The following MED13L variants were observed in gnomAD, a reference collection of about 807,000 sequenced individuals.
MED13L encodes the protein mediator of RNA polymerase II transcription subunit 13-like.
Under a neutral mutation model 220.9 loss-of-function variants are expected in MED13L, and 7 were observed. The ratio of observed to expected loss-of-function variants is 0.03; its 90% CI spans 0.02 to 0.06. The LOEUF (loss-of-function observed/expected upper bound fraction) is 0.06. Ranked by LOEUF, MED13L falls within the 10% of genes least tolerant of loss-of-function variation. The probability of loss-of-function intolerance (pLI) is 1.00; values close to 1 mark genes in which losing one functional copy is unlikely to be tolerated. For synonymous variants in MED13L, 1,011 were observed against 1,015.2 expected (o/e 1.00, Z 0.08); for missense variants, 1,965 against 2,760.5 (o/e 0.71, Z 6.46).
At chr12:115,970,210 T>C (rs1366760326) in intron 27 of MED13L, among the ~76,000 whole-genome samples, 1 of 152,176 alleles carries the variant, frequency 6.6e-6, no homozygotes, top group Non-Finnish European at 1.5e-5. Context: ...CTATAGCAAA[T>C]TAGATTGCCA....
In MED13L at chr12:115,984,251, G is replaced by A. The variant is rs1434761225; in HGVS notation, c.4460C>T (p.Pro1487Leu). ...DELVSEWFNQ[P>L]WSGEENDNHS... ...ATTGTCATTCTCCTCGCCGCTCCAA[G>A]GCTGGTTAAACCACTCACTCACAAG... Residue 1487 changes from proline to leucine, a missense_variant, in exon 20 of 31, where the codon CCT becomes CTT. Physicochemically the swap from Pro to Leu is moderately conservative, Grantham distance 98. Coordinates refer to ENST00000281928, the MANE Select transcript of MED13L (RefSeq NM_015335.5). 6.2e-7 allele frequency: 1 copy of A among 1,613,914 alleles called. No homozygotes were observed. The highest frequency in any genetic ancestry group is 1.3e-5 in the African/African-American group (1 of 74,902).
chr12:116,120,475 TCTCACACA>T (rs1173976046), intron 2 of MED13L, among the ~76,000 whole-genome samples: 43 of 91,742 alleles, frequency 4.7e-4, no homozygotes, highest in African/African-American at 5.6e-4. Context: ...TCTCTCTCTC[TCTCACACA>T]CACACACACA....
At chr12:116,116,554 T>A (rs1272111526) in intron 2 of MED13L, among the ~76,000 whole-genome samples, 1 of 152,062 alleles carries the variant, frequency 6.6e-6, no homozygotes. Flanking sequence ...CTGAGTTCTG[T>A]GAGCCATTCT....
intron 4 of MED13L, among the ~76,000 whole-genome samples, chr12:116,031,393 C>T (rs1047790344): frequency 6.6e-6 from 1 of 151,754 alleles, no homozygotes; most frequent in African/African-American, 2.4e-5. Flanking sequence ...TCCTGGCTAA[C>T]ACAGTGAAAC....
At chr12:116,081,169 A>G (rs1346685265) in intron 4 of MED13L, among the ~76,000 whole-genome samples, 2 of 152,330 alleles carry the variant, frequency 1.3e-5, no homozygotes, top group East Asian at 1.9e-4. Flanking sequence ...TAACTAACTC[A>G]GCAATCTTAT....
At chr12:116,009,596 G>C (rs1028237461) in intron 9 of MED13L, among the ~76,000 whole-genome samples, 1 of 152,072 alleles carries the variant, frequency 6.6e-6, no homozygotes, top group African/African-American at 2.4e-5. Flanking sequence ...AAATAACTAC[G>C]CAACTACTCT....
At position 116,161,593 on chromosome 12, in the gene MED13L, G is replaced by T. The variant is rs541579040; in HGVS notation, c.311-50081C>A. 3.9e-5 allele frequency among the ~76,000 whole-genome samples: 6 copies of T among 152,248 alleles called. No homozygotes were observed. In the South Asian group the frequency reaches 1.2e-3, roughly 32 times the overall value. ...TAGAACAAGGCCTCTCCCCGTCAAAGTGAGCCCACAAGCTATAGGAGACAG... is the reference window on the plus strand; with the variant it reads ...TAGAACAAGGCCTCTCCCCGTCAAATTGAGCCCACAAGCTATAGGAGACAG... On this transcript the variant is annotated intron_variant, in intron 2 of 30. Transcript: ENST00000281928.
At chr12:116,059,048 C>T (rs919275025) in intron 4 of MED13L, among the ~76,000 whole-genome samples, 11 of 152,182 alleles carry the variant, frequency 7.2e-5, no homozygotes, top group Admixed American at 3.3e-4. Flanking sequence ...TACATCTGTA[C>T]ATCAAGTCTG....
intron 2 of MED13L, among the ~76,000 whole-genome samples, chr12:116,191,961 TA>T (rs1298171673): frequency 6.6e-6 from 1 of 152,216 alleles, no homozygotes; most frequent in Middle Eastern, 3.2e-3. Context: ...TATTAATTTT[TA>T]TTCTACCTAA....
chr12:115,959,887 T>C lies in MED13L; in HGVS notation c.*1379A>G, dbSNP rs75828281. ...AGTCTCTTGGAAGAACTTTTAAAATTTGCATGATTCTCTCCACAGATGACA... is the reference window on the plus strand; with the variant it reads ...AGTCTCTTGGAAGAACTTTTAAAATCTGCATGATTCTCTCCACAGATGACA... On this transcript the variant is annotated 3_prime_UTR_variant, in exon 31 of 31. Coordinates refer to ENST00000281928, the MANE Select transcript of MED13L (RefSeq NM_015335.5). 2,454 of 152,668 alleles carry C rather than the reference T, an allele frequency of 0.016. 41 individuals carry two copies. Among genetic ancestry groups the C allele is most frequent in the Middle Eastern group, 0.031 (9 of 294 alleles). 9.5% of individuals were successfully genotyped at this position (152,668 alleles called of 1,614,324 possible). A position where few individuals can be genotyped will look rare whatever the true frequency, so the allele number is the denominator to read the frequency against.
chr12:115,984,284 G>C lies in MED13L; in HGVS notation c.4427C>G (p.Thr1476Arg). Residue 1476 changes from threonine (T) to arginine (R), a missense_variant, in exon 20 of 31, where the codon ACA (threonine) becomes AGA (arginine). Coordinates refer to ENST00000281928, the MANE Select transcript of MED13L (RefSeq NM_015335.5). The stretch of plus-strand genomic sequence containing the variant: ...AAACCACTCACTCACAAGCTCATCT[G>C]TCAGCTTCTGTGCCACAGTTTTTCC... ...RVGKTVAQKL[T>R]DELVSEWFNQ... 1 of 1,614,012 alleles carries C rather than the reference G, an allele frequency of 6.2e-7. No homozygotes were observed. Among genetic ancestry groups the C allele is most frequent in the Non-Finnish European group, 8.5e-7 (1 of 1,179,990 alleles).
intron 16 of MED13L, among the ~76,000 whole-genome samples, chr12:115,995,225 TA>T (rs1176463728): frequency 6.6e-6 from 1 of 152,194 alleles, no homozygotes; most frequent in Non-Finnish European, 1.5e-5. Flanking sequence ...AAATTTGTTT[TA>T]TTGGTTCCTT....
intron 2 of MED13L, among the ~76,000 whole-genome samples, chr12:116,221,110 C>T (rs1055155406): frequency 2.6e-5 from 4 of 152,088 alleles, no homozygotes; most frequent in Non-Finnish European, 4.4e-5. Context: ...AGTGGTGGCT[C>T]ATGTGTGTAA....
chr12:116,276,724 G>A lies in MED13L; in HGVS notation c.72+336C>T, dbSNP rs1363037364. The A allele has an allele frequency of 1.4e-5, 14 of 978,298 alleles. No individual in the cohort carries two copies. In the East Asian group the frequency reaches 2.5e-4, roughly 17 times the overall value. 60.6% of individuals were successfully genotyped at this position (978,298 alleles called of 1,614,324 possible). A position where few individuals can be genotyped will look rare whatever the true frequency, so the allele number is the denominator to read the frequency against. ...TTCCACATTTACGGGGGGAAAAAAA[G>A]GGGGGAAAGGGGAGGAGAAGGGGAG... On this transcript the variant is annotated intron_variant, in intron 1 of 30. Transcript: ENST00000281928.
intron 4 of MED13L, among the ~76,000 whole-genome samples, chr12:116,050,807 C>T (rs1298448307): frequency 6.6e-6 from 1 of 152,086 alleles, no homozygotes; most frequent in African/African-American, 2.4e-5. Flanking sequence ...GGCGTGGTGG[C>T]ACATGCCAGT....
At chr12:116,256,717 T>TA (rs1227507697) in intron 1 of MED13L, among the ~76,000 whole-genome samples, 1 of 147,780 alleles carries the variant, frequency 6.8e-6, no homozygotes, top group Non-Finnish European at 1.5e-5. Flanking sequence ...GATGGAATCT[T>TA]GCTCTGTTGC....
rs116017060 is a variant in MED13L at position 116,127,531 on chromosome 12, A to G, written c.311-16019T>C. Among the ~76,000 whole-genome samples the G allele has an allele frequency of 3.1e-3, 477 of 152,316 alleles. 2 individuals are homozygous for G. Among genetic ancestry groups the G allele is most frequent in the African/African-American group, 0.01 (436 of 41,570 alleles). ...AGTTACTACTCTAACTAAAATATAG[A>G]TATATTCAAAGGCAATATTACCCAC... On this transcript the variant is annotated intron_variant, in intron 2 of 30. Coordinates refer to ENST00000281928, the MANE Select transcript of MED13L (RefSeq NM_015335.5).
intron 17 of MED13L, among the ~76,000 whole-genome samples, chr12:115,988,794 A>T (rs1877868928): frequency 6.6e-6 from 1 of 152,206 alleles, no homozygotes; most frequent in South Asian, 2.1e-4. Context: ...TCATCCTGAA[A>T]GACGACACCA....
intron 2 of MED13L, among the ~76,000 whole-genome samples, chr12:116,228,540 T>A (rs1017144000): frequency 6.6e-6 from 1 of 152,198 alleles, no homozygotes; most frequent in Admixed American, 6.5e-5. Context: ...CACTCGTTCA[T>A]GACCCACTAA....
Sources: allele counts gnomAD v4.1 joint callset (sites outside exome capture counted in the v4.1 genomes callset), GRCh38; gene constraint gnomAD v4.1.1; transcripts MANE v1.5; gene names NCBI Gene and HGNC (gene_info 2026-07-23, HGNC 2026-07-21).